The following UCP1 variants were observed in gnomAD, a reference collection of about 807,000 sequenced individuals.
UCP1 encodes mitochondrial brown fat uncoupling protein 1.
In UCP1, 24 loss-of-function variants were observed where a neutral mutation model predicts 26.2. That is an observed-to-expected ratio of 0.92 (90% CI 0.66 to 1.29). The LOEUF is 1.29. UCP1 is among the 50% of genes most tolerant of loss of function. The pLI, the probability that UCP1 is intolerant of heterozygous loss-of-function variation, is 0.00. For missense variants in UCP1, 402 were observed against 388.7 expected, an observed-to-expected ratio of 1.03 and a Z score of -0.29; for synonymous variants, 164 against 156.8, an observed-to-expected ratio of 1.05 and a Z score of -0.34.
At chr4:140,568,110 T>A in intron 1 of UCP1, 133 bp from the exon 2 acceptor site, 1 of 6,868 alleles carries the variant, frequency 1.5e-4, no homozygotes, top group Non-Finnish European at 3.5e-4. Flanking sequence ...CCCTCTACCG[T>A]GTGTGTGTGT....
intron 2 of UCP1, 67 bp from the exon 3 acceptor site, chr4:140,563,585 T>C: frequency 7.1e-7 from 1 of 1,405,414 alleles, no homozygotes; most frequent in Non-Finnish European, 9.7e-7. Flanking sequence ...CATGTCTTTT[T>C]AATTTTCAGT....
chr4:140,567,671 G>C, intron 2 of UCP1, 108 bp downstream of exon 2: 1 of 1,407,726 alleles, frequency 7.1e-7, no homozygotes, highest in Non-Finnish European at 1.0e-6. Context: ...AAATATGAAT[G>C]TTTTCTCGCC....
Position 140,559,724 on chromosome 4 carries a change from A to T in UCP1, c.*172T>A. On this transcript the variant is annotated 3_prime_UTR_variant, in exon 6 of 6. Coordinates refer to ENST00000262999, the MANE Select transcript of UCP1 (RefSeq NM_021833.5). ...TCTTAAGACACTGAGAAAAAAAAAA[A>T]GTTATATGAAATAGGCATTAATTTT... The T allele has an allele frequency of 1.6e-6, 1 of 630,586 alleles. No individual in the cohort carries two copies. Among genetic ancestry groups the T allele is most frequent in the Non-Finnish European group, 2.7e-6 (1 of 365,906 alleles). 39.1% of individuals were successfully genotyped at this position (630,586 alleles called of 1,614,324 possible). A position where few individuals can be genotyped will look rare whatever the true frequency, so the allele number is the denominator to read the frequency against.
intron 2 of UCP1, 127 bp downstream of exon 2, chr4:140,567,652 G>C: frequency 8.2e-7 from 1 of 1,222,152 alleles, no homozygotes; most frequent in South Asian, 1.3e-5. Flanking sequence ...TTTGGGGAAG[G>C]GAGAGTTCAA....
chr4:140,566,447 G>A (rs1735799931), intron 2 of UCP1, among the ~76,000 whole-genome samples: 1 of 152,166 alleles, frequency 6.6e-6, no homozygotes, highest in Non-Finnish European at 1.5e-5. Context: ...CAGTCAATCT[G>A]TGAAGAAAAC....
chr4:140,562,438 C>G, intron 4 of UCP1, 65 bp from the exon 5 acceptor site: 1 of 1,532,358 alleles, frequency 6.5e-7, no homozygotes, highest in Non-Finnish European at 9.0e-7. Flanking sequence ...AGTTATCTGT[C>G]ATATCTTTAT....
In UCP1 at chr4:140,559,869, T is replaced by C. The variant is rs868255165; in HGVS notation, c.*27A>G. ...ATCCAGTCAGCAAGATTCCCACTGG[T>C]ATGTTACATCATTTTCTTGAAGCTG... On this transcript the variant is annotated 3_prime_UTR_variant, in exon 6 of 6. Transcript: ENST00000262999. The C allele has an allele frequency of 1.3e-6, 2 of 1,541,592 alleles. No homozygotes were observed. Among genetic ancestry groups the C allele is most frequent in the Non-Finnish European group, 1.8e-6 (2 of 1,114,124 alleles).
intron 4 of UCP1, among the ~76,000 whole-genome samples, chr4:140,562,642 A>G (rs957576018): frequency 6.6e-6 from 1 of 152,180 alleles, no homozygotes; most frequent in Non-Finnish European, 1.5e-5. Context: ...AGCATCTAAT[A>G]CTTTTTTATT....
rs1275071850 is a variant in UCP1, at chr4:140,568,853, G to C, written c.-124C>G. The C allele has an allele frequency of 2.7e-6, 4 of 1,461,920 alleles. No homozygotes were observed. Among genetic ancestry groups the C allele is most frequent in the Non-Finnish European group, 2.8e-6 (3 of 1,086,986 alleles). 90.6% of individuals were successfully genotyped at this position (1,461,920 alleles called of 1,614,324 possible). On this transcript the variant is annotated 5_prime_UTR_variant, in exon 1 of 6. Transcript: ENST00000262999. ...AAACCCGATTTCTGTTTTTTGAACC[G>C]ACCGCCGGGCAGCGGCGGTGCAGAG... is the stretch of plus-strand genomic sequence containing the variant.
Position 140,559,510 on chromosome 4 carries a change from T to G in UCP1, c.*386A>C, listed in dbSNP as rs1490250007. The stretch of plus-strand genomic sequence containing the variant: ...ATAAAAACTAATATTTTTAATAACT[T>G]CATTTTTAAGTATTTATAAATATAA... On this transcript the variant is annotated 3_prime_UTR_variant, in exon 6 of 6. Transcript: ENST00000262999. 1 of 184,700 alleles carries G rather than the reference T, an allele frequency of 5.4e-6. No individual in the cohort carries two copies. The highest frequency in any genetic ancestry group is 1.1e-5 in the Non-Finnish European group (1 of 89,122). 11.4% of individuals were successfully genotyped at this position (184,700 alleles called of 1,614,324 possible).
In UCP1 at chr4:140,568,778, G is replaced by C; in HGVS notation, c.-49C>G. 6.5e-7 allele frequency: 1 copy of C among 1,546,254 alleles called. No homozygotes were observed. The highest frequency in any genetic ancestry group is 1.2e-5 in the South Asian group (1 of 84,464). ...AGAGGAAAAGGGCTCCAGCCCCGAA[G>C]GTGGAGGAAGTTCCTTTCCCTTGCT... On this transcript the variant is annotated 5_prime_UTR_variant, in exon 1 of 6. Coordinates refer to ENST00000262999, the MANE Select transcript of UCP1 (RefSeq NM_021833.5).
intron 2 of UCP1, among the ~76,000 whole-genome samples, chr4:140,567,162 G>T (rs947073899): frequency 3.3e-5 from 5 of 152,326 alleles, no homozygotes; most frequent in African/African-American, 9.6e-5. Flanking sequence ...CAGGAAATAT[G>T]TTTCCTTTTC....
intron 2 of UCP1, among the ~76,000 whole-genome samples, chr4:140,563,850 C>T (rs554334922): frequency 8.5e-5 from 13 of 152,168 alleles, no homozygotes; most frequent in Non-Finnish European, 1.3e-4. Flanking sequence ...TCAGGTGATC[C>T]GTCTGCCTCG....
At chr4:140,564,463 A>G (rs1002298394) in intron 2 of UCP1, among the ~76,000 whole-genome samples, 7 of 152,230 alleles carry the variant, frequency 4.6e-5, no homozygotes, top group Non-Finnish European at 1.0e-4. Context: ...AGTAACATTT[A>G]CTCAGCAGAG....
chr4:140,568,936 C>T lies in UCP1; in HGVS notation c.-207G>A. The T allele has an allele frequency of 1.5e-6, 1 of 684,602 alleles. No homozygotes were observed. Among genetic ancestry groups the T allele is most frequent in the Non-Finnish European group, 2.4e-6 (1 of 413,602 alleles). The allele number at this position is 684,602 out of a possible 1,614,324, so 42.4% of individuals were successfully genotyped here. ...GCCGAGTCCCCGCGTCCCCTCCTAC[C>T]CACCCTCGCGCCAGCAGGACCCTCT... On this transcript the variant is annotated 5_prime_UTR_variant, in exon 1 of 6. Coordinates refer to ENST00000262999, the MANE Select transcript of UCP1 (RefSeq NM_021833.5).
intron 2 of UCP1, 148 bp from the exon 3 acceptor site, chr4:140,563,666 G>A: frequency 2.6e-6 from 2 of 758,068 alleles, no homozygotes; most frequent in South Asian, 3.8e-5. Context: ...AGAGTGCAGT[G>A]GTGTGATCTT....
chr4:140,563,555 T>G (rs767954923), intron 2 of UCP1, 37 bp from the exon 3 acceptor site: 13 of 1,581,840 alleles, frequency 8.2e-6, no homozygotes, highest in Non-Finnish European at 1.1e-5. Context: ...AGAAAAAAAA[T>G]TAAAGACCTA....
At chr4:140,560,113 T>G in intron 5 of UCP1, 103 bp from the exon 6 acceptor site, 1 of 962,138 alleles carries the variant, frequency 1.0e-6, no homozygotes, top group Non-Finnish European at 1.6e-6. Context: ...AATGCAGTAG[T>G]GTAATCATAG....
rs764912156 is a variant in UCP1, at chr4:140,568,714, C to T, written c.16G>A (p.Ala6Thr). The change falls in exon 1 of 6, where the codon GCC (alanine) becomes ACC (threonine). Residue 6 changes from alanine (A) to threonine (T), a missense_variant. Ala to Thr is a moderately conservative substitution (Grantham distance 58). Coordinates refer to ENST00000262999, the MANE Select transcript of UCP1 (RefSeq NM_021833.5). ...CCCAGGGTCGGGTGTACGTCCGAGG[C>T]TGTCAGGCCCCCCATCTTCACTCAG... MGGLT[A>T]SDVHPTLGVQ... 1 of 1,595,884 alleles carries T rather than the reference C, an allele frequency of 6.3e-7. No homozygotes were observed. Among genetic ancestry groups the T allele is most frequent in the Non-Finnish European group, 8.5e-7 (1 of 1,172,996 alleles).
Sources: allele counts gnomAD v4.1 joint callset (sites outside exome capture counted in the v4.1 genomes callset), GRCh38; gene constraint gnomAD v4.1.1; transcripts MANE v1.5; gene names NCBI Gene and HGNC (gene_info 2026-07-23, HGNC 2026-07-21).